Variants in JAKMIP2 observed in about 807,000 individuals in gnomAD.
JAKMIP2 encodes janus kinase and microtubule-interacting protein 2.
A neutral mutation model predicts 115.0 loss-of-function variants in JAKMIP2; 25 were observed. The observed-to-expected ratio is 0.22, with a 90% confidence interval of 0.16 to 0.30. JAKMIP2 has a LOEUF of 0.30. Ranked by LOEUF, JAKMIP2 falls within the 10% of genes least tolerant of loss-of-function variation. The probability of loss-of-function intolerance (pLI) is 1.00; values close to 1 mark genes in which losing one functional copy is unlikely to be tolerated. For synonymous variants in JAKMIP2, 334 were observed against 343.6 expected (o/e 0.97, Z 0.31); for missense variants, 642 against 957.6 (o/e 0.67, Z 4.35).
chr5:147,614,671 G>A (rs982667875), intron 19 of JAKMIP2, among the ~76,000 whole-genome samples: 3 of 152,114 alleles, frequency 2.0e-5, no homozygotes, highest in Non-Finnish European at 2.9e-5. Flanking sequence ...TTAAGCGGGT[G>A]GGGAAGAAAA....
At chr5:147,626,226 A>G (rs544954259) in intron 16 of JAKMIP2, among the ~76,000 whole-genome samples, 1 of 152,376 alleles carries the variant, frequency 6.6e-6, no homozygotes, top group East Asian at 1.9e-4. Flanking sequence ...GCAGCTGAAC[A>G]GACCATGAGC....
intron 1 of JAKMIP2, among the ~76,000 whole-genome samples, chr5:147,739,461 G>C (rs2126990422): frequency 6.6e-6 from 1 of 152,236 alleles, no homozygotes; most frequent in East Asian, 1.9e-4. Flanking sequence ...CATTCTCCCA[G>C]ACAACCAGCG....
chr5:147,618,129 T>C lies in JAKMIP2; in HGVS notation c.2143-15A>G. On this transcript the variant is annotated splice_polypyrimidine_tract_variant and intron_variant, in intron 18 of 21. Coordinates refer to ENST00000616793, the MANE Select transcript of JAKMIP2 (RefSeq NM_001270941.2). ...TCCTGGATTCTCTGGCAAATAGAAT[T>C]AGAAAAGTCTAACTTTGGAACTTGG... 1 of 1,598,922 alleles carries C rather than the reference T, an allele frequency of 6.3e-7. No homozygotes were observed. The highest frequency in any genetic ancestry group is 8.6e-7 in the Non-Finnish European group (1 of 1,166,190).
At chr5:147,636,103 G>A (rs958493814) in intron 12 of JAKMIP2, 119 bp downstream of exon 12, 70 of 735,038 alleles carry the variant, frequency 9.5e-5, no homozygotes, top group Non-Finnish European at 1.5e-4. Context: ...GGACAGAGCA[G>A]TGCCGGAAAA....
intron 21 of JAKMIP2, among the ~76,000 whole-genome samples, chr5:147,592,692 GC>G (rs1755156770): frequency 6.6e-6 from 1 of 152,146 alleles, no homozygotes; most frequent in African/African-American, 2.4e-5. Flanking sequence ...ACTTCTCTAA[GC>G]CTCAATCTCC....
At position 147,640,793 on chromosome 5, in the gene JAKMIP2, C is replaced by T; in HGVS notation, c.1312G>A (p.Asp438Asn). ...RPVLDPFIGY[D>N]EDSMDSETSS... is the part of the protein sequence containing the mutation. ...GTCTCTGAATCCATAGAGTCCTCAT[C>T]ATAGCCAATAAACGGGTCCAAAACA... Residue 438 changes from aspartate to asparagine, a missense_variant, in exon 9 of 22, where the codon GAT becomes AAT. Physicochemically the swap from Asp to Asn is conservative, Grantham distance 23 (BLOSUM62 1). Coordinates refer to ENST00000616793, the MANE Select transcript of JAKMIP2 (RefSeq NM_001270941.2). The T allele has an allele frequency of 1.2e-6, 2 of 1,613,432 alleles. No homozygotes were observed. Among genetic ancestry groups the T allele is most frequent in the South Asian group, 1.1e-5 (1 of 91,046 alleles).
intron 1 of JAKMIP2, among the ~76,000 whole-genome samples, chr5:147,750,561 TACACACACACAC>T (rs151015424): frequency 1.4e-5 from 2 of 142,804 alleles, no homozygotes; most frequent in South Asian, 2.3e-4. Flanking sequence ...TGCCAGAAAA[TACACACACACAC>T]ACACACACAC....
intron 1 of JAKMIP2, among the ~76,000 whole-genome samples, chr5:147,710,465 A>G (rs1273396892): frequency 2.0e-5 from 3 of 152,216 alleles, no homozygotes; most frequent in Admixed American, 1.3e-4. Context: ...ACAGGCTTAA[A>G]ATCAGTAGTC....
At chr5:147,608,603 C>T (rs1450927862) in intron 20 of JAKMIP2, among the ~76,000 whole-genome samples, 2 of 152,038 alleles carry the variant, frequency 1.3e-5, no homozygotes, top group Non-Finnish European at 2.9e-5. Context: ...ATTATATGGT[C>T]GATTTTAGAA....
chr5:147,688,212 T>C (rs1325350784), intron 1 of JAKMIP2, among the ~76,000 whole-genome samples: 1 of 152,220 alleles, frequency 6.6e-6, no homozygotes, highest in East Asian at 1.9e-4. Context: ...AACACAAGGC[T>C]ATGTATCATT....
intron 1 of JAKMIP2, among the ~76,000 whole-genome samples, chr5:147,768,856 C>T (rs956905665): frequency 1.4e-4 from 22 of 152,124 alleles, no homozygotes; most frequent in African/African-American, 5.1e-4. Context: ...CATACTGTCA[C>T]AATGTTTGTA....
chr5:147,775,010 A>C (rs934601127), intron 1 of JAKMIP2, among the ~76,000 whole-genome samples: 2 of 152,176 alleles, frequency 1.3e-5, no homozygotes, highest in East Asian at 3.9e-4. Flanking sequence ...TTCTAACTGA[A>C]ACTGGACTCC....
chr5:147,597,309 G>GT (rs1206850027), intron 21 of JAKMIP2, among the ~76,000 whole-genome samples: 2 of 151,968 alleles, frequency 1.3e-5, no homozygotes, highest in African/African-American at 2.4e-5. Flanking sequence ...TTTTTCTTAA[G>GT]TTTTTTTCCA....
intron 5 of JAKMIP2, among the ~76,000 whole-genome samples, chr5:147,646,726 T>C (rs1392864932): frequency 6.6e-6 from 1 of 150,982 alleles, no homozygotes; most frequent in South Asian, 2.1e-4. Flanking sequence ...AAAACAAAAA[T>C]CTGATGTAGT....
chr5:147,729,824 A>T (rs1580846243), intron 1 of JAKMIP2, among the ~76,000 whole-genome samples: 2 of 152,222 alleles, frequency 1.3e-5, no homozygotes, highest in African/African-American at 4.8e-5. Flanking sequence ...TCCCTGCAAA[A>T]CTTTCTGAAC....
intron 10 of JAKMIP2, 133 bp downstream of exon 10, chr5:147,639,499 A>G (rs553259295): frequency 3.1e-5 from 32 of 1,021,584 alleles, no homozygotes; most frequent in Admixed American, 5.2e-5. Flanking sequence ...CATAAAAGCT[A>G]TAACAATTCA....
chr5:147,671,189 G>A (rs1283523671), intron 2 of JAKMIP2, among the ~76,000 whole-genome samples: 1 of 152,146 alleles, frequency 6.6e-6, no homozygotes, highest in Non-Finnish European at 1.5e-5. Context: ...AGTCAAAGAG[G>A]GGGATGGAGC....
chr5:147,725,997 T>C (rs1282044639), intron 1 of JAKMIP2, among the ~76,000 whole-genome samples: 1 of 152,170 alleles, frequency 6.6e-6, no homozygotes, highest in African/African-American at 2.4e-5. Flanking sequence ...CCTGAACTTT[T>C]GATTCAGTGT....
At chr5:147,687,081 C>G (rs17107192) in intron 1 of JAKMIP2, among the ~76,000 whole-genome samples, 16,498 of 152,108 alleles carry the variant, frequency 0.11, 939 homozygotes, top group Middle Eastern at 0.17. Flanking sequence ...TCTAGATCAT[C>G]ATAGCACTTG....
Sources: allele counts gnomAD v4.1 joint callset (sites outside exome capture counted in the v4.1 genomes callset), GRCh38; gene constraint gnomAD v4.1.1; transcripts MANE v1.5; gene names NCBI Gene and HGNC (gene_info 2026-07-23, HGNC 2026-07-21).